Variants in ZNF670 observed in about 807,000 individuals in gnomAD.
The protein encoded by ZNF670 is zinc finger protein 670.
ZNF670 carries 7 observed loss-of-function variants against 10.9 expected under a neutral mutation model. The ratio of observed to expected loss-of-function variants is 0.64; its 90% CI spans 0.36 to 1.20. The LOEUF (loss-of-function observed/expected upper bound fraction) is 1.20, where lower values mean the gene tolerates loss of function less well. ZNF670 is among the 50% of genes most tolerant of loss of function. The probability of loss-of-function intolerance (pLI) is 0.02; values close to 1 mark genes in which losing one functional copy is unlikely to be tolerated. For synonymous variants in ZNF670, 136 were observed against 152.7 expected (o/e 0.89, Z 0.81); for missense variants, 446 against 458.6 (o/e 0.97, Z 0.25).
intron 1 of ZNF670, chr1:247,043,887 G>T: frequency 3.1e-6 from 1 of 318,564 alleles, no homozygotes; most frequent in South Asian, 2.9e-5. Context: ...GAATTAAACT[G>T]AATCTGATAT....
chr1:247,048,091 A>G (rs1670501284), intron 1 of ZNF670, among the ~76,000 whole-genome samples: 3 of 152,226 alleles, frequency 2.0e-5, no homozygotes, highest in African/African-American at 7.2e-5. Flanking sequence ...CATCAGGCTG[A>G]AAATTTTCCA....
intron 1 of ZNF670, among the ~76,000 whole-genome samples, chr1:247,050,500 G>C (rs1209157536): frequency 1.4e-5 from 2 of 144,362 alleles, no homozygotes; most frequent in East Asian, 4.0e-4. Context: ...TTTTGAGACA[G>C]AGTCTCACTC....
At position 247,037,770 on chromosome 1, in the gene ZNF670, A is replaced by G; in HGVS notation, c.849T>C (p.Cys283=). ...ATCTAAAGGCTTTGCCACATTTTAT[A>G]CATTCATAGGGTTTTTCTCCAGTAT... ...RTHTGEKPYE[C]IKCGKAFRCS... Residue 283 remains cysteine, a synonymous_variant, in exon 4 of 4, where the codon TGT becomes TGC. Transcript: ENST00000366503. The G allele has an allele frequency of 1.2e-6, 2 of 1,613,820 alleles. No individual in the cohort carries two copies. The highest frequency in any genetic ancestry group is 8.5e-7 in the Non-Finnish European group (1 of 1,179,918).
chr1:247,054,591 G>A (rs1366882364), intron 1 of ZNF670, among the ~76,000 whole-genome samples: 2 of 152,202 alleles, frequency 1.3e-5, no homozygotes, highest in African/African-American at 4.8e-5. Flanking sequence ...AAAGAACCTA[G>A]TCCTGGGAAG....
At chr1:247,039,045 CT>C (rs1397774934) in intron 2 of ZNF670, among the ~76,000 whole-genome samples, 175 bp from the exon 3 acceptor site, 2 of 140,428 alleles carry the variant, frequency 1.4e-5, no homozygotes, top group African/African-American at 2.8e-5. Flanking sequence ...TTCTTCTTTT[CT>C]TTTTTCTTTC....
Position 247,046,110 on chromosome 1 carries a change from T to A in ZNF670, c.4-6573A>T, listed in dbSNP as rs78999225. The stretch of plus-strand genomic sequence containing the variant: ...CCCCACAATCAGAAGTGATTTAAAG[T>A]TGAAACATGATTAAAAGAGAAGCAG... On this transcript the variant is annotated intron_variant, in intron 1 of 3. Transcript: ENST00000366503. Among the ~76,000 whole-genome samples, 681 of 152,142 alleles carry A rather than the reference T, an allele frequency of 4.5e-3. 6 individuals are homozygous for A. Among genetic ancestry groups the A allele is most frequent in the African/African-American group, 0.015 (643 of 41,526 alleles).
At position 247,038,821 on chromosome 1, in the gene ZNF670, C is replaced by T. The variant is rs1670230968; in HGVS notation, c.180G>A (p.Gly60=). ...QNIQDDFKNP[G]RNLSSHVVER... ...TGAATGCAAATTACCTTAGATTTCTCCCAGGATTTTTGAAGTCATCTTGGA... is the reference window on the plus strand; with the variant it reads ...TGAATGCAAATTACCTTAGATTTCTTCCAGGATTTTTGAAGTCATCTTGGA... Residue 60 remains glycine, a synonymous_variant, in exon 3 of 4, where the codon GGG becomes GGA. Coordinates refer to ENST00000366503, the MANE Select transcript of ZNF670 (RefSeq NM_033213.5). 6.2e-7 allele frequency: 1 copy of T among 1,612,280 alleles called. No individual in the cohort carries two copies. Among genetic ancestry groups the T allele is most frequent in the African/African-American group, 1.3e-5 (1 of 74,972 alleles).
chr1:247,078,757 A>G lies in ZNF670; in HGVS notation c.-161T>C, dbSNP rs765206883. 9.6e-6 allele frequency: 7 copies of G among 731,124 alleles called. No individual in the cohort carries two copies. The highest frequency in any genetic ancestry group is 1.6e-5 in the Non-Finnish European group (7 of 449,880). The allele number at this position is 731,124 out of a possible 1,614,324, so 45.3% of individuals were successfully genotyped here. ...CGCCACATTCGCGCTGCCCAACACA[A>G]AAGCCGCGCCAGGTCCCGGAAGCTG... On this transcript the variant is annotated 5_prime_UTR_variant, in exon 1 of 4. Transcript: ENST00000366503.
chr1:247,057,171 C>T (rs1028671559), intron 1 of ZNF670, among the ~76,000 whole-genome samples: 1 of 152,176 alleles, frequency 6.6e-6, no homozygotes, highest in Non-Finnish European at 1.5e-5. Flanking sequence ...CTAATAATCT[C>T]ATCCAAAAAT....
rs1186967209 is a variant in ZNF670, at chr1:247,037,436, T to C, written c.*13A>G. ...TTCTTACATTGACAGAGGTGTTTTG[T>C]TGTTGTTGTTTTTTACCACATATAA... On this transcript the variant is annotated 3_prime_UTR_variant, in exon 4 of 4. Coordinates refer to ENST00000366503, the MANE Select transcript of ZNF670 (RefSeq NM_033213.5). 4 of 1,578,490 alleles carry C rather than the reference T, an allele frequency of 2.5e-6. No individual in the cohort carries two copies. The highest frequency in any genetic ancestry group is 2.4e-5 in the South Asian group (2 of 84,706).
intron 1 of ZNF670, among the ~76,000 whole-genome samples, chr1:247,045,296 T>C (rs1234666321): frequency 6.6e-6 from 1 of 152,188 alleles, no homozygotes; most frequent in Non-Finnish European, 1.5e-5. Context: ...GCTGTGTGTT[T>C]CCTCCAAATC....
rs1558348410 is a variant in ZNF670 at position 247,072,820 on chromosome 1, ATATATATATATATATATATG to A, written c.3+5754_3+5773del. ...AAAGTGTGTGTATATATATATATAT[ATATATATATATATATATATG>A]CATACACACACATACACACACACAC... is the stretch of plus-strand genomic sequence containing the variant. On this transcript the variant is annotated intron_variant, in intron 1 of 3. Transcript: ENST00000366503. Among the ~76,000 whole-genome samples, 55 of 83,142 alleles carry A rather than the reference ATATATATATATATATATATG, an allele frequency of 6.6e-4. 2 individuals are homozygous for A. The highest frequency in any genetic ancestry group is 3.4e-3 in the African/African-American group (55 of 16,332). 54.5% of individuals were successfully genotyped at this position (83,142 alleles called of 152,430 possible). A position where few individuals can be genotyped will look rare whatever the true frequency, so the allele number is the denominator to read the frequency against.
chr1:247,068,642 T>C (rs1671047345), intron 1 of ZNF670, among the ~76,000 whole-genome samples: 1 of 150,664 alleles, frequency 6.6e-6, no homozygotes, highest in Non-Finnish European at 1.5e-5. Flanking sequence ...CATATGATCC[T>C]GCAATCTCAC....
At chr1:247,055,418 T>C (rs1037900597) in intron 1 of ZNF670, among the ~76,000 whole-genome samples, 1 of 152,188 alleles carries the variant, frequency 6.6e-6, no homozygotes, top group Non-Finnish European at 1.5e-5. Context: ...GTCAGCACCT[T>C]CCTTCCCTTC....
intron 1 of ZNF670, among the ~76,000 whole-genome samples, chr1:247,052,218 CTA>C (rs1381874996): frequency 6.6e-6 from 1 of 152,082 alleles, no homozygotes; most frequent in Admixed American, 6.5e-5. Context: ...TTTGGGTAGA[CTA>C]TGTCAGAGGA....
intron 1 of ZNF670, among the ~76,000 whole-genome samples, chr1:247,077,122 C>T (rs745502804): frequency 3.3e-5 from 5 of 152,226 alleles, no homozygotes; most frequent in Non-Finnish European, 5.9e-5. Flanking sequence ...TTAATACCAG[C>T]ATCTGACTGG....
intron 1 of ZNF670, among the ~76,000 whole-genome samples, chr1:247,058,323 A>G (rs1670767957): frequency 6.6e-6 from 1 of 152,226 alleles, no homozygotes; most frequent in South Asian, 2.1e-4. Context: ...TAAATACTTC[A>G]AAGGAAATTA....
chr1:247,077,416 A>C (rs2103076205), intron 1 of ZNF670, among the ~76,000 whole-genome samples: 1 of 152,296 alleles, frequency 6.6e-6, no homozygotes, highest in Non-Finnish European at 1.5e-5. Context: ...TCACCCTCTA[A>C]AGTTTCCAAA....
intron 1 of ZNF670, among the ~76,000 whole-genome samples, chr1:247,062,182 T>C (rs1032280885): frequency 6.6e-6 from 1 of 152,020 alleles, no homozygotes; most frequent in African/African-American, 2.4e-5. Context: ...AATTCGCCAA[T>C]TTACGACACT....
Sources: gnomAD v4.1 joint callset for allele counts (sites outside exome capture counted in the v4.1 genomes callset) on GRCh38, gnomAD v4.1.1 for gene constraint, MANE v1.5 for transcripts, NCBI Gene and HGNC (gene_info 2026-07-23, HGNC 2026-07-21) for gene names.